TNNI3K: variants seen among roughly 807,000 people sequenced by gnomAD.
TNNI3K encodes the protein TNNI3 interacting kinase.
Under a neutral mutation model 114.5 loss-of-function variants are expected in TNNI3K, and 140 were observed. The observed-to-expected ratio is 1.22, with a 90% CI of 1.07 to 1.41. TNNI3K has a LOEUF of 1.41. TNNI3K is among the 40% of genes most tolerant of loss of function. TNNI3K has a pLI of 0.00. For missense variants in TNNI3K, 1,125 were observed against 1,007.6 expected (o/e 1.12, Z -1.58); for synonymous variants, 347 against 347.5 (o/e 1.00, Z 0.02).
At chr1:74,375,748 C>T in intron 17 of TNNI3K, 1 of 363,484 alleles carries the variant, frequency 2.8e-6, no homozygotes, top group Non-Finnish European at 5.7e-6. Flanking sequence ...TTCCTTAAAA[C>T]CCCCATCCTC....
At chr1:74,503,522 G>GGATCTTGTAT (rs1553153544) in intron 23 of TNNI3K, among the ~76,000 whole-genome samples, 1 of 152,068 alleles carries the variant, frequency 6.6e-6, no homozygotes, top group Non-Finnish European at 1.5e-5. Context: ...TAAGTTCTAT[G>GGATCTTGTAT]GATCTTGTAT....
chr1:74,309,241 G>A (rs1392742108), intron 5 of TNNI3K, among the ~76,000 whole-genome samples: 25 of 148,240 alleles, frequency 1.7e-4, no homozygotes, highest in Admixed American at 1.4e-3. Context: ...GGTGGCGGGC[G>A]CCTGTAGTCC....
chr1:74,406,643 TG>T (rs1437601286), intron 17 of TNNI3K, among the ~76,000 whole-genome samples: 1 of 152,228 alleles, frequency 6.6e-6, no homozygotes, highest in Admixed American at 6.5e-5. Context: ...TTTTAAGGCC[TG>T]TAACCTGAGT....
chr1:74,301,346 G>A (rs956527166), intron 5 of TNNI3K, among the ~76,000 whole-genome samples: 46 of 152,176 alleles, frequency 3.0e-4, no homozygotes, highest in African/African-American at 1.1e-3. Flanking sequence ...GTTGCAGTGA[G>A]CCGAGATCGA....
chr1:74,335,911 A>C (rs1660438836), intron 6 of TNNI3K, 100 bp from the exon 7 acceptor site: 3 of 1,327,360 alleles, frequency 2.3e-6, no homozygotes, highest in Non-Finnish European at 3.0e-6. Flanking sequence ...TATAACAATA[A>C]ATTTTTGTGG....
At chr1:74,537,935 G>C (rs1428642451) in intron 23 of TNNI3K, among the ~76,000 whole-genome samples, 1 of 152,118 alleles carries the variant, frequency 6.6e-6, no homozygotes, top group Non-Finnish European at 1.5e-5. Context: ...AACTTTATAA[G>C]CTAAGTCTTG....
chr1:74,271,163 A>T (rs1438491811), intron 4 of TNNI3K, among the ~76,000 whole-genome samples: 1 of 151,896 alleles, frequency 6.6e-6, no homozygotes, highest in East Asian at 1.9e-4. Flanking sequence ...TACTTGGTTC[A>T]TACTCTCTTC....
At chr1:74,386,496 A>G (rs980838156) in intron 17 of TNNI3K, among the ~76,000 whole-genome samples, 1 of 152,180 alleles carries the variant, frequency 6.6e-6, no homozygotes, top group Non-Finnish European at 1.5e-5. Flanking sequence ...GAAATTTGAT[A>G]CAGTAACTCA....
intron 5 of TNNI3K, among the ~76,000 whole-genome samples, chr1:74,309,701 C>G (rs1658870600): frequency 6.6e-6 from 1 of 152,026 alleles, no homozygotes; most frequent in African/African-American, 2.4e-5. Context: ...GAATTGACAA[C>G]CAAGAACAAA....
chr1:74,451,433 GCTA>G (rs535243289), intron 20 of TNNI3K, among the ~76,000 whole-genome samples: 1 of 151,836 alleles, frequency 6.6e-6, no homozygotes, highest in East Asian at 1.9e-4. Context: ...CCAATTTTTT[GCTA>G]CTATTAATAT....
At chr1:74,428,269 G>A (rs1665728151) in intron 17 of TNNI3K, among the ~76,000 whole-genome samples, 1 of 151,992 alleles carries the variant, frequency 6.6e-6, no homozygotes, top group Admixed American at 6.6e-5. Context: ...TGCTATTCCT[G>A]GATGAGTATT....
intron 17 of TNNI3K, among the ~76,000 whole-genome samples, chr1:74,389,815 G>A (rs1156778562): frequency 6.6e-6 from 1 of 152,180 alleles, no homozygotes; most frequent in African/African-American, 2.4e-5. Flanking sequence ...TTATAGCTGT[G>A]GGATTAAATG....
At chr1:74,462,999 G>C (rs961389199) in intron 20 of TNNI3K, among the ~76,000 whole-genome samples, 1 of 152,206 alleles carries the variant, frequency 6.6e-6, no homozygotes, top group Admixed American at 6.5e-5. Flanking sequence ...CTTTGCTCAA[G>C]TGATACAGGT....
intron 11 of TNNI3K, among the ~76,000 whole-genome samples, chr1:74,355,128 T>C (rs562731263): frequency 1.3e-5 from 2 of 152,322 alleles, no homozygotes; most frequent in Admixed American, 1.3e-4. Context: ...GATTTTAAAG[T>C]CACATTTTAA....
At chr1:74,311,605 T>C (rs1252310515) in intron 5 of TNNI3K, among the ~76,000 whole-genome samples, 2 of 152,156 alleles carry the variant, frequency 1.3e-5, no homozygotes, top group African/African-American at 2.4e-5. Context: ...TTCATGAAGG[T>C]ATCAAGAACA....
intron 20 of TNNI3K, among the ~76,000 whole-genome samples, chr1:74,449,353 T>C (rs1666875072): frequency 6.6e-6 from 1 of 151,542 alleles, no homozygotes; most frequent in African/African-American, 2.4e-5. Context: ...TTCTTCTCTC[T>C]TTTTTTCTTT....
chr1:74,433,074 C>T (rs1487808643), intron 17 of TNNI3K, among the ~76,000 whole-genome samples: 1 of 152,100 alleles, frequency 6.6e-6, no homozygotes, highest in Non-Finnish European at 1.5e-5. Flanking sequence ...TCTGCACTGC[C>T]ACCATCTCTG....
Position 74,331,460 on chromosome 1 carries a change from T to G in TNNI3K, c.455T>G (p.Val152Gly). 6.2e-7 allele frequency: 1 copy of G among 1,613,386 alleles called. No homozygotes were observed. ...TIAGHLEAAD[V>G]LLQHGANVNI... is the part of the protein sequence containing the mutation. ...CATTTTCTTGTCCAGGCTGCTGATG[T>G]GCTGTTGCAACATGGAGCTAATGTC... Residue 152 changes from valine to glycine, a missense_variant, in exon 6 of 25, where the codon GTG (valine) becomes GGG (glycine). Physicochemically the swap from Val to Gly is moderately radical, Grantham distance 109. Transcript: ENST00000326637.
intron 11 of TNNI3K, among the ~76,000 whole-genome samples, chr1:74,360,006 T>C (rs1661871079): frequency 6.6e-6 from 1 of 151,986 alleles, no homozygotes; most frequent in African/African-American, 2.4e-5. Flanking sequence ...TTTTTCCTCC[T>C]CAACTTCTCC....
Sources: gnomAD v4.1 joint callset for allele counts (sites outside exome capture counted in the v4.1 genomes callset) on GRCh38, gnomAD v4.1.1 for gene constraint, MANE v1.5 for transcripts, NCBI Gene and HGNC (gene_info 2026-07-23, HGNC 2026-07-21) for gene names.